Variants in LYG2 observed in about 807,000 individuals in gnomAD.
LYG2 encodes the protein lysozyme g2, also known as lysozyme g-like protein 2.
Under a neutral mutation model 22.4 loss-of-function variants are expected in LYG2, and 25 were observed. The observed-to-expected ratio is 1.12, with a 90% CI of 0.81 to 1.56. The LOEUF is 1.56. Ranked by LOEUF, LYG2 falls within the 40% of genes most tolerant of loss-of-function variation. The pLI, the probability that LYG2 is intolerant of heterozygous loss-of-function variation, is 0.00. For missense variants in LYG2, 266 were observed against 269.5 expected (o/e 0.99, Z 0.09); for synonymous variants, 88 against 97.0 (o/e 0.91, Z 0.55).
Position 99,244,033 on chromosome 2 carries a change from T to G in LYG2, c.486A>C (p.Lys162Asn). The G allele has an allele frequency of 6.2e-7, 1 of 1,614,062 alleles. No individual in the cohort carries two copies. The part of the protein sequence containing the change: ...LTERIKAIQK[K>N]FPTWSVAQHL... ...GCTGAGCAACACTCCACGTGGGGAA[T>G]TTTTTCTGGATTGCCTTAATTCTCT... Residue 162 changes from lysine to asparagine, a missense_variant, in exon 6 of 7, where the codon AAA becomes AAC. By Grantham distance (94) the Lys-to-Asn change is moderately conservative. Coordinates refer to ENST00000333017, the MANE Select transcript of LYG2 (RefSeq NM_175735.4).
upstream of LYG2, among the ~76,000 whole-genome samples, chr2:99,259,607 G>A (rs2094043561): frequency 6.6e-6 from 1 of 152,082 alleles, no homozygotes; most frequent in African/African-American, 2.4e-5. Context: ...AATTTCACAA[G>A]AAGCTTCAAA....
chr2:99,248,733 T>C (rs2094021133), intron 3 of LYG2, among the ~76,000 whole-genome samples: 2 of 149,502 alleles, frequency 1.3e-5, no homozygotes, highest in African/African-American at 4.9e-5. Flanking sequence ...TAAAGTATAA[T>C]AATAATAAAA....
chr2:99,251,429 C>G (rs573827220), intron 3 of LYG2, among the ~76,000 whole-genome samples: 1 of 152,100 alleles, frequency 6.6e-6, no homozygotes, highest in Non-Finnish European at 1.5e-5. Flanking sequence ...GTTGGTAATA[C>G]TGTCATACTT....
In LYG2 at chr2:99,251,017, G is replaced by A. The variant is rs187978798; in HGVS notation, c.43+3201C>T. Among the ~76,000 whole-genome samples, 34 of 152,256 alleles carry A rather than the reference G, an allele frequency of 2.2e-4. No individual in the cohort carries two copies. The East Asian group carries it at 4.4e-3, about 20-fold the overall frequency. On this transcript the variant is annotated intron_variant, in intron 3 of 6. Coordinates refer to ENST00000333017, the MANE Select transcript of LYG2 (RefSeq NM_175735.4). ...GTAAGAAAGGTAAGAAAATACAATCGTATATTTTGTGTGATTTGCTCATAT... is the reference window on the plus strand; with the variant it reads ...GTAAGAAAGGTAAGAAAATACAATCATATATTTTGTGTGATTTGCTCATAT...
At chr2:99,248,846 ATT>A (rs2094021546) in intron 3 of LYG2, among the ~76,000 whole-genome samples, 1 of 152,000 alleles carries the variant, frequency 6.6e-6, no homozygotes, top group Admixed American at 6.6e-5. Context: ...ATTTAAATAT[ATT>A]CTTATTATAT....
chr2:99,243,718 T>C, intron 6 of LYG2: 1 of 435,696 alleles, frequency 2.3e-6, no homozygotes. Flanking sequence ...TTTTTTTTTT[T>C]GTAGAGACAG....
Position 99,246,989 on chromosome 2 carries a change from G to A in LYG2, c.44-169C>T, listed in dbSNP as rs138485471. On this transcript the variant is annotated intron_variant, in intron 3 of 6. Transcript: ENST00000333017. ...AAGTTCCCCATGCCCACTCTGCTCC[G>A]ATCTTTTGTTTTGTTTTGTATTAAC... Among the ~76,000 whole-genome samples, 604 of 152,278 alleles carry A rather than the reference G, an allele frequency of 4.0e-3. 6 individuals are homozygous for A. Among genetic ancestry groups the A allele is most frequent in the African/African-American group, 0.014 (577 of 41,568 alleles).
chr2:99,254,254 A>G lies in LYG2; in HGVS notation c.7T>C (p.Ser3Pro), dbSNP rs1574866219. 6.2e-7 allele frequency: 1 copy of G among 1,614,124 alleles called. No individual in the cohort carries two copies. ML[S>P]SVVFWGLIAL... The stretch of plus-strand genomic sequence containing the variant: ...ATTAGTCCCCAAAACACCACGGAGG[A>G]TAACATGGCGGGGAATCTTATCTTC... The change falls in exon 3 of 7, where the codon TCC becomes CCC. Residue 3 changes from serine to proline, a missense_variant. Coordinates refer to ENST00000333017, the MANE Select transcript of LYG2 (RefSeq NM_175735.4).
intron 3 of LYG2, among the ~76,000 whole-genome samples, chr2:99,250,702 G>A (rs923211933): frequency 2.6e-5 from 4 of 152,174 alleles, no homozygotes; most frequent in African/African-American, 9.7e-5. Context: ...GTTGGCAAGA[G>A]CCCAAAGGTT....
At chr2:99,260,279 A>T (rs749673611), upstream of LYG2, among the ~76,000 whole-genome samples, 8 of 152,144 alleles carry the variant, frequency 5.3e-5, no homozygotes, top group Non-Finnish European at 8.8e-5. Flanking sequence ...GCTATTTTTT[A>T]AAAACAGCTT....
rs537185147 is a variant in LYG2 at position 99,251,356 on chromosome 2, T to C, written c.43+2862A>G. 5.9e-5 allele frequency among the ~76,000 whole-genome samples: 9 copies of C among 152,286 alleles called. No homozygotes were observed. In the South Asian group the frequency reaches 6.2e-4, roughly 11 times the overall value. On this transcript the variant is annotated intron_variant, in intron 3 of 6. Transcript: ENST00000333017. ...ATAAGTCTATACCACTACATAGGAA[T>C]CCATCCTGTGAACATAAATAATCAC...
At chr2:99,244,940 G>T (rs539257724) in intron 5 of LYG2, among the ~76,000 whole-genome samples, 2 of 151,808 alleles carry the variant, frequency 1.3e-5, no homozygotes, top group Non-Finnish European at 2.9e-5. Context: ...GTGAAATCCC[G>T]TCTCTACTAA....
chr2:99,249,584 GA>G (rs1433985552), intron 3 of LYG2, among the ~76,000 whole-genome samples: 1 of 151,630 alleles, frequency 6.6e-6, no homozygotes, highest in African/African-American at 2.4e-5. Flanking sequence ...CCAACACGGA[GA>G]AACCCATCTC....
upstream of LYG2, among the ~76,000 whole-genome samples, chr2:99,258,662 G>T (rs748577757): frequency 1.2e-4 from 19 of 152,218 alleles, no homozygotes; most frequent in Non-Finnish European, 2.4e-4. Flanking sequence ...CCAAGAATAT[G>T]TGGCAAAGGT....
At chr2:99,243,539 T>TA (rs2094010270) in intron 6 of LYG2, 1 of 1,508,544 alleles carries the variant, frequency 6.6e-7, no homozygotes, top group South Asian at 1.2e-5. Flanking sequence ...GATAGATAGA[T>TA]AAATTTTTTT....
intron 3 of LYG2, among the ~76,000 whole-genome samples, chr2:99,253,613 C>T (rs1023366226): frequency 7.2e-5 from 11 of 152,134 alleles, no homozygotes; most frequent in Non-Finnish European, 1.5e-5. Flanking sequence ...GCCTTCCCCC[C>T]AGAAACCCCC....
chr2:99,247,007 G>A (rs890987743), intron 3 of LYG2, among the ~76,000 whole-genome samples, 187 bp from the exon 4 acceptor site: 1 of 152,144 alleles, frequency 6.6e-6, no homozygotes, highest in Non-Finnish European at 1.5e-5. Flanking sequence ...GTTTTGTTTT[G>A]TATTAACACA....
At chr2:99,246,113 C>G (rs1266735857) in intron 4 of LYG2, among the ~76,000 whole-genome samples, 1 of 151,940 alleles carries the variant, frequency 6.6e-6, no homozygotes, top group Non-Finnish European at 1.5e-5. Flanking sequence ...GTCATACACA[C>G]AAAAAAAATT....
intron 5 of LYG2, among the ~76,000 whole-genome samples, chr2:99,244,850 C>T (rs1484452134): frequency 1.3e-5 from 2 of 152,122 alleles, no homozygotes; most frequent in African/African-American, 2.4e-5. Flanking sequence ...GTGGCTCAAG[C>T]TTGTAATCCC....
Sources: gnomAD v4.1 joint callset for allele counts (sites outside exome capture counted in the v4.1 genomes callset) on GRCh38, gnomAD v4.1.1 for gene constraint, MANE v1.5 for transcripts, NCBI Gene and HGNC (gene_info 2026-07-23, HGNC 2026-07-21) for gene names.